DROSHA: variants seen among roughly 807,000 people sequenced by gnomAD.
The protein encoded by DROSHA is ribonuclease 3.
A neutral mutation model predicts 181.9 loss-of-function variants in DROSHA; 56 were observed. That is an observed-to-expected ratio of 0.31 (90% CI 0.25 to 0.38). DROSHA has a LOEUF of 0.38. Among genes scored for constraint, DROSHA ranks in the 10% least tolerant of loss-of-function variants. DROSHA has a pLI of 1.00. For missense variants in DROSHA, 1,218 were observed against 1,743.5 expected (o/e 0.70, Z 5.37); for synonymous variants, 524 against 591.2 (o/e 0.89, Z 1.65).
intron 12 of DROSHA, among the ~76,000 whole-genome samples, chr5:31,494,398 G>A (rs1282366717): frequency 6.6e-6 from 1 of 152,162 alleles, no homozygotes; most frequent in Admixed American, 6.5e-5. Context: ...GAAAGAGGGG[G>A]AGCAAAAGAA....
Position 31,424,449 on chromosome 5 carries a change from T to G in DROSHA, c.3239A>C (p.Asn1080Thr). The change falls in exon 28 of 36, where the codon AAT becomes ACT. Residue 1080 changes from asparagine to threonine, a missense_variant. By Grantham distance (65) the Asn-to-Thr change is moderately conservative (BLOSUM62 0). Around this residue, in one of 8 missense-constraint regions of DROSHA, gnomAD observed 71 missense variants for 95.2 expected, o/e 0.75. Coordinates refer to ENST00000344624, the MANE Select transcript of DROSHA (RefSeq NM_001382508.1). Reference protein sequence around the residue: ...NDPDLREVWLNYPLHPLQLQE... With the variant: ...NDPDLREVWLTYPLHPLQLQE... ...TACTTGGAGTGGGTGGAGAGGATAA[T>G]TGAGCCAGACTTCGCGCAGGTCCTG... 2 of 1,598,454 alleles carry G rather than the reference T, an allele frequency of 1.3e-6. No homozygotes were observed. The highest frequency in any genetic ancestry group is 1.7e-4 in the Middle Eastern group (1 of 6,052).
rs73745748 is a variant in DROSHA at position 31,437,946 on chromosome 5, T to G, written c.2883-648A>C. On this transcript the variant is annotated intron_variant, in intron 23 of 35. Transcript: ENST00000344624. ...ACAATGAGCCACACTGAAAATCTACTCACCCCTCAAGGCCTAGCAAAAATG... is the reference window on the plus strand; with the variant it reads ...ACAATGAGCCACACTGAAAATCTACGCACCCCTCAAGGCCTAGCAAAAATG... Among the ~76,000 whole-genome samples, 953 of 152,298 alleles carry G rather than the reference T, an allele frequency of 6.3e-3. 8 individuals are homozygous for G. Among genetic ancestry groups the G allele is most frequent in the African/African-American group, 0.022 (896 of 41,574 alleles).
chr5:31,523,800 C>A (rs918755067), intron 5 of DROSHA, among the ~76,000 whole-genome samples: 17 of 151,814 alleles, frequency 1.1e-4, no homozygotes, highest in Admixed American at 1.3e-4. Context: ...CATGGTGAAA[C>A]CCCATCTCTA....
intron 21 of DROSHA, among the ~76,000 whole-genome samples, chr5:31,451,209 G>GA (rs796287612): frequency 5.2e-4 from 77 of 148,054 alleles, no homozygotes; most frequent in Middle Eastern, 3.4e-3. Flanking sequence ...TACCAGAAAA[G>GA]AAAAAAAAAA....
chr5:31,475,860 T>C (rs1156577953), intron 16 of DROSHA, among the ~76,000 whole-genome samples: 4 of 152,176 alleles, frequency 2.6e-5, no homozygotes, highest in Admixed American at 2.0e-4. Flanking sequence ...TCTCCACACA[T>C]ACATTTACAG....
At chr5:31,446,675 T>C (rs1746338554) in intron 23 of DROSHA, among the ~76,000 whole-genome samples, 1 of 125,574 alleles carries the variant, frequency 8.0e-6, no homozygotes, top group Non-Finnish European at 1.6e-5. Flanking sequence ...CTGTCTCTAT[T>C]TAAAAAAAAA....
At chr5:31,467,907 T>C in intron 18 of DROSHA, 32 bp downstream of exon 18, 1 of 1,601,916 alleles carries the variant, frequency 6.2e-7, no homozygotes. Flanking sequence ...GAAGGTGAAA[T>C]TGGCTAAGAC....
chr5:31,432,203 C>CT (rs1744265119), intron 25 of DROSHA, among the ~76,000 whole-genome samples: 2 of 151,352 alleles, frequency 1.3e-5, no homozygotes, highest in Non-Finnish European at 2.9e-5. Flanking sequence ...ATGATCTTGG[C>CT]TTACTGCAAC....
intron 10 of DROSHA, chr5:31,505,820 C>A (rs1489966062): frequency 1.3e-5 from 2 of 151,972 alleles, no homozygotes; most frequent in East Asian, 1.9e-4. Flanking sequence ...TATATACACA[C>A]ACATATTTCT....
chr5:31,464,483 C>A lies in DROSHA; in HGVS notation c.2467-140G>T, dbSNP rs558272541. 8.9e-4 allele frequency: 687 copies of A among 773,076 alleles called. 5 individuals carry two copies. Among genetic ancestry groups the A allele is most frequent in the African/African-American group, 7.8e-3 (435 of 55,986 alleles). 47.9% of individuals were successfully genotyped at this position (773,076 alleles called of 1,614,324 possible). ...ACTCAAACCTCTTCATACAAAATTA[C>A]AATATTTTCTTTAAAATGGAGGCTG... On this transcript the variant is annotated intron_variant, in intron 19 of 35. Coordinates refer to ENST00000344624, the MANE Select transcript of DROSHA (RefSeq NM_001382508.1).
chr5:31,470,261 T>C lies in DROSHA; in HGVS notation c.2241+1802A>G, dbSNP rs1361627350. Among the ~76,000 whole-genome samples, 1 of 152,164 alleles carries C rather than the reference T, an allele frequency of 6.6e-6. No homozygotes were observed. Among genetic ancestry groups the C allele is most frequent in the Non-Finnish European group, 1.5e-5 (1 of 68,012 alleles). ...GCCAATAATTTCTACAATTTCTCAA[T>C]TCCTCAGAGATCTTACTGTTTAGGA... is the stretch of plus-strand genomic sequence containing the variant. On this transcript the variant is annotated intron_variant, in intron 17 of 35. Transcript: ENST00000344624. The surrounding 1 kb of genome is among the most constrained non-coding windows in gnomAD (Gnocchi z 4.0).
At chr5:31,433,620 C>A (rs1158852815) in intron 25 of DROSHA, among the ~76,000 whole-genome samples, 2 of 152,172 alleles carry the variant, frequency 1.3e-5, no homozygotes. Context: ...TCTAGGCTCA[C>A]TGCAAGCTCT....
At chr5:31,466,423 AG>A in intron 18 of DROSHA, 142 bp from the exon 19 acceptor site, 1 of 700,732 alleles carries the variant, frequency 1.4e-6, no homozygotes, top group South Asian at 1.8e-5. Context: ...CATCATTCTA[AG>A]GAAGGCTATG....
chr5:31,442,147 A>T (rs1396261728), intron 23 of DROSHA, among the ~76,000 whole-genome samples: 2 of 152,342 alleles, frequency 1.3e-5, no homozygotes, highest in South Asian at 4.1e-4. Context: ...TTTTGTTGAA[A>T]TACAAGGTCA....
intron 26 of DROSHA, among the ~76,000 whole-genome samples, chr5:31,431,278 TC>T (rs1190896035): frequency 6.2e-5 from 9 of 145,280 alleles, no homozygotes; most frequent in African/African-American, 2.0e-4. Context: ...GTAATCCATC[TC>T]CATATTAACT....
chr5:31,473,716 A>G (rs1242651673), intron 16 of DROSHA, among the ~76,000 whole-genome samples: 1 of 152,222 alleles, frequency 6.6e-6, no homozygotes, highest in Non-Finnish European at 1.5e-5. Flanking sequence ...AAGAGGTTTC[A>G]CGTAGGCAAA....
chr5:31,524,799 T>C (rs1374885603), intron 5 of DROSHA, among the ~76,000 whole-genome samples: 2 of 152,236 alleles, frequency 1.3e-5, no homozygotes, highest in Admixed American at 1.3e-4. Flanking sequence ...TTTATACCTA[T>C]TTGATCTTTT....
intron 16 of DROSHA, among the ~76,000 whole-genome samples, chr5:31,482,754 G>C (rs1049976293): frequency 1.0e-4 from 11 of 110,112 alleles, no homozygotes; most frequent in African/African-American, 2.8e-4. Context: ...TAGGGTGCCA[G>C]AAGCCTCAAG....
intron 28 of DROSHA, among the ~76,000 whole-genome samples, chr5:31,424,207 C>A (rs1388469166): frequency 6.6e-6 from 1 of 152,116 alleles, no homozygotes; most frequent in Non-Finnish European, 1.5e-5. Context: ...GAAGATGACT[C>A]CCAATGCTCC....
Sources: gnomAD v4.1 joint callset for allele counts (sites outside exome capture counted in the v4.1 genomes callset) on GRCh38, gnomAD v4.1.1 for gene constraint, gnomAD v4.1.1 regional missense constraint, Gnocchi (gnomAD v3.1) non-coding constraint, MANE v1.5 for transcripts, NCBI Gene and HGNC (gene_info 2026-07-23, HGNC 2026-07-21) for gene names.